ZFPM2: variants seen among roughly 807,000 people sequenced by gnomAD.
The protein encoded by ZFPM2 is zinc finger protein ZFPM2.
In ZFPM2, 20 loss-of-function variants were observed where a neutral mutation model predicts 98.6. That is an observed-to-expected ratio of 0.20 (90% CI 0.14 to 0.29). The LOEUF is 0.29. Among genes scored for constraint, ZFPM2 ranks in the 10% least tolerant of loss-of-function variants. The pLI, the probability that ZFPM2 is intolerant of heterozygous loss-of-function variation, is 1.00. For synonymous variants in ZFPM2, 518 were observed against 502.7 expected (o/e 1.03, Z -0.41); for missense variants, 1,310 against 1,388.6 (o/e 0.94, Z 0.90).
chr8:105,548,471 T>G (rs189919941), intron 3 of ZFPM2, among the ~76,000 whole-genome samples: 4 of 148,018 alleles, frequency 2.7e-5, no homozygotes, highest in Non-Finnish European at 6.0e-5. Flanking sequence ...CTTAAAACTG[T>G]TTTTTTTTAC....
At chr8:105,601,741 A>G (rs1368026063) in intron 4 of ZFPM2, among the ~76,000 whole-genome samples, 2 of 152,226 alleles carry the variant, frequency 1.3e-5, no homozygotes, top group East Asian at 1.9e-4. Flanking sequence ...TGGTGCCTGC[A>G]TTAGAGACCT....
At chr8:105,326,466 C>A (rs1316576673) in intron 1 of ZFPM2, among the ~76,000 whole-genome samples, 1 of 151,634 alleles carries the variant, frequency 6.6e-6, no homozygotes, top group East Asian at 1.9e-4. Flanking sequence ...ATGCAGCTTA[C>A]AATTTCAGAG....
intron 1 of ZFPM2, among the ~76,000 whole-genome samples, chr8:105,323,166 A>G (rs1308227177): frequency 6.6e-6 from 1 of 151,924 alleles, no homozygotes; most frequent in Non-Finnish European, 1.5e-5. Flanking sequence ...TATTCAATCT[A>G]TAATTTTAGG....
chr8:105,694,050 G>A (rs954587391), intron 5 of ZFPM2, among the ~76,000 whole-genome samples: 3 of 144,426 alleles, frequency 2.1e-5, no homozygotes, highest in Admixed American at 1.4e-4. Context: ...GCAGTGGTGC[G>A]ATCTCGGCTC....
At chr8:105,363,761 G>A (rs902329439) in intron 1 of ZFPM2, among the ~76,000 whole-genome samples, 13 of 152,054 alleles carry the variant, frequency 8.5e-5, no homozygotes, top group African/African-American at 3.1e-4. Flanking sequence ...TAGGAATGGA[G>A]CAGGCAGATA....
In ZFPM2 at chr8:105,376,673, G is replaced by A. The variant is rs375491338; in HGVS notation, c.41-42471G>A. On this transcript the variant is annotated intron_variant, in intron 1 of 7. Coordinates refer to ENST00000407775, the MANE Select transcript of ZFPM2 (RefSeq NM_012082.4). ...AAGCTGGGAGTTAGCATTTATTCTG[G>A]CTTTTGCATCTTCTCATATCCAATC... Among the ~76,000 whole-genome samples the A allele has an allele frequency of 6.3e-4, 96 of 152,204 alleles. 2 individuals carry two copies. In the South Asian group the frequency reaches 0.019, roughly 30 times the overall value.
chr8:105,759,074 A>C (rs1018904789), intron 5 of ZFPM2, among the ~76,000 whole-genome samples: 4 of 152,168 alleles, frequency 2.6e-5, no homozygotes. Context: ...TATAACAATG[A>C]GTAAGCTTAG....
At position 105,803,530 on chromosome 8, in the gene ZFPM2, G is replaced by T; in HGVS notation, c.3448G>T (p.Val1150Phe). 6.2e-7 allele frequency: 1 copy of T among 1,606,620 alleles called. No homozygotes were observed. Among genetic ancestry groups the T allele is most frequent in the East Asian group, 2.2e-5 (1 of 44,698 alleles). ...FYCSSHAAEH[V>F]K Reference sequence around the variant, plus strand: ...TTGCTCATCACATGCAGCAGAACATGTCAAATGAACTAACTAAACATCAGT... The same window carrying T: ...TTGCTCATCACATGCAGCAGAACATTTCAAATGAACTAACTAAACATCAGT... Residue 1150 changes from valine to phenylalanine, a missense_variant, in exon 8 of 8, where the codon GTC becomes TTC. Val to Phe is a conservative substitution (Grantham distance 50, BLOSUM62 -1). Coordinates refer to ENST00000407775, the MANE Select transcript of ZFPM2 (RefSeq NM_012082.4).
Position 105,419,134 on chromosome 8 carries a change from C to T in ZFPM2, c.41-10C>T. ...TATTTTTGGTACAGTTTCCCTGATTCTTTTTCAAGGGCCGCTTGAAGATGC... is the reference window on the plus strand; with the variant it reads ...TATTTTTGGTACAGTTTCCCTGATTTTTTTTCAAGGGCCGCTTGAAGATGC... On this transcript the variant is annotated splice_polypyrimidine_tract_variant and intron_variant, in intron 1 of 7. Coordinates refer to ENST00000407775, the MANE Select transcript of ZFPM2 (RefSeq NM_012082.4). 6.2e-7 allele frequency: 1 copy of T among 1,607,992 alleles called. No homozygotes were observed. The highest frequency in any genetic ancestry group is 8.5e-7 in the Non-Finnish European group (1 of 1,178,084).
At chr8:105,441,594 G>A (rs1812252812) in intron 2 of ZFPM2, among the ~76,000 whole-genome samples, 2 of 151,998 alleles carry the variant, frequency 1.3e-5, no homozygotes, top group Admixed American at 6.6e-5. Flanking sequence ...AGCGGATTGG[G>A]GCCAGCAAGA....
intron 3 of ZFPM2, among the ~76,000 whole-genome samples, chr8:105,557,573 A>G (rs1815026566): frequency 6.6e-6 from 1 of 152,162 alleles, no homozygotes; most frequent in Admixed American, 6.6e-5. Flanking sequence ...ACTAAGTTCT[A>G]TGACTTTTAC....
At chr8:105,572,469 G>A (rs557304274) in intron 4 of ZFPM2, among the ~76,000 whole-genome samples, 8 of 151,948 alleles carry the variant, frequency 5.3e-5, no homozygotes, top group African/African-American at 1.9e-4. Context: ...TGAATTTAAA[G>A]TTGTTCTTTT....
At chr8:105,720,159 T>C (rs570194861) in intron 5 of ZFPM2, among the ~76,000 whole-genome samples, 126 of 151,990 alleles carry the variant, frequency 8.3e-4, no homozygotes, top group Non-Finnish European at 1.7e-3. Context: ...ACCAGCATTC[T>C]TCTAGGGATG....
rs571472827 is a variant in ZFPM2, at chr8:105,727,611, G to T, written c.533-61107G>T. Reference sequence around the variant, plus strand: ...CCTCCAACCATTTAATGAACAGATGGATATAACCATCATCCCCTGGTACTT... The same window carrying T: ...CCTCCAACCATTTAATGAACAGATGTATATAACCATCATCCCCTGGTACTT... On this transcript the variant is annotated intron_variant, in intron 5 of 7. Transcript: ENST00000407775. Among the ~76,000 whole-genome samples the T allele has an allele frequency of 1.5e-4, 23 of 151,770 alleles. No homozygotes were observed. In the South Asian group the frequency reaches 4.6e-3, roughly 30 times the overall value.
chr8:105,432,204 C>A (rs1812034862), intron 2 of ZFPM2, among the ~76,000 whole-genome samples: 1 of 151,894 alleles, frequency 6.6e-6, no homozygotes, highest in Admixed American at 6.6e-5. Flanking sequence ...TCTGAGCTTT[C>A]CATAAGCCAT....
At chr8:105,745,939 T>TGTG (rs1336943961) in intron 5 of ZFPM2, among the ~76,000 whole-genome samples, 1 of 152,026 alleles carries the variant, frequency 6.6e-6, no homozygotes, top group Non-Finnish European at 1.5e-5. Context: ...TTTGTATTTT[T>TGTG]TTGTTGTTGT....
At position 105,325,123 on chromosome 8, in the gene ZFPM2, G is replaced by A. The variant is rs191174499; in HGVS notation, c.40+6142G>A. ...TGAAACCCGGTCTAATTCAACACCT[G>A]CCACTGTGTAAAATTATCAGTTCAT... On this transcript the variant is annotated intron_variant, in intron 1 of 7. Coordinates refer to ENST00000407775, the MANE Select transcript of ZFPM2 (RefSeq NM_012082.4). Among the ~76,000 whole-genome samples the A allele has an allele frequency of 4.0e-5, 6 of 151,896 alleles. No homozygotes were observed. The East Asian group carries it at 1.2e-3, about 29-fold the overall frequency.
chr8:105,756,352 G>A (rs1319975254), intron 5 of ZFPM2, among the ~76,000 whole-genome samples: 2 of 152,158 alleles, frequency 1.3e-5, no homozygotes, highest in Non-Finnish European at 2.9e-5. Flanking sequence ...GCTCTAAATT[G>A]CTTGTACATT....
At position 105,779,019 on chromosome 8, in the gene ZFPM2, G is replaced by A. The variant is rs538254878; in HGVS notation, c.533-9699G>A. Among the ~76,000 whole-genome samples the A allele has an allele frequency of 2.0e-5, 3 of 151,748 alleles. No individual in the cohort carries two copies. In the South Asian group the frequency reaches 6.2e-4, roughly 32 times the overall value. ...ATTTCTAGTCTAAAAAAAGAGAAAT[G>A]AGACTTAATGGCGATGCTATGCAGT... On this transcript the variant is annotated intron_variant, in intron 5 of 7. Coordinates refer to ENST00000407775, the MANE Select transcript of ZFPM2 (RefSeq NM_012082.4).
Sources: allele counts gnomAD v4.1 joint callset (sites outside exome capture counted in the v4.1 genomes callset), GRCh38; gene constraint gnomAD v4.1.1; transcripts MANE v1.5; gene names NCBI Gene and HGNC (gene_info 2026-07-23, HGNC 2026-07-21).